DPYSL5: variants seen among roughly 807,000 people sequenced by gnomAD.
DPYSL5 encodes dihydropyrimidinase like 5, also known as dihydropyrimidinase-related protein 5.
A neutral mutation model predicts 58.4 loss-of-function variants in DPYSL5; 9 were observed. The observed-to-expected ratio is 0.15, with a 90% CI of 0.09 to 0.27. The LOEUF (loss-of-function observed/expected upper bound fraction) is 0.27. Ranked by LOEUF, DPYSL5 falls within the 10% of genes least tolerant of loss-of-function variation. The pLI, the probability that DPYSL5 is intolerant of heterozygous loss-of-function variation, is 1.00. For synonymous variants in DPYSL5, 293 were observed against 301.9 expected (o/e 0.97, Z 0.31); for missense variants, 499 against 770.6 (o/e 0.65, Z 4.17).
chr2:26,931,195 GTGTGTGTGTATATATATATATATA>G (rs1286628063), intron 5 of DPYSL5, among the ~76,000 whole-genome samples: 4 of 53,962 alleles, frequency 7.4e-5, no homozygotes, highest in African/African-American at 2.5e-4. Context: ...GTGTGTGTGT[GTGTGTGTGTATATATATATATATA>G]TATATATATA....
chr2:26,926,192 C>T (rs150051806), intron 3 of DPYSL5, among the ~76,000 whole-genome samples: 52 of 152,336 alleles, frequency 3.4e-4, no homozygotes, highest in Non-Finnish European at 5.3e-4. Flanking sequence ...GGGGCTCACC[C>T]GGTTTCTTCA....
At chr2:26,928,721 A>ACACACACACACACACACACACACACC (rs1664893498) in intron 5 of DPYSL5, among the ~76,000 whole-genome samples, 1 of 85,792 alleles carries the variant, frequency 1.2e-5, no homozygotes, top group Non-Finnish European at 2.5e-5. Context: ...ACACACATAC[A>ACACACACACACACACACACACACACC]TATATATACG....
rs984036181 is a variant in DPYSL5 at position 26,863,325 on chromosome 2, C to A, written c.-5+15071C>A. On this transcript the variant is annotated intron_variant, in intron 1 of 12. Coordinates refer to ENST00000288699, the MANE Select transcript of DPYSL5 (RefSeq NM_020134.4). ...AGCTGGCTCAGTTTCAGCTGCTGACCAGGAGTGTGGGACAGTCTTGACCTG... is the reference window on the plus strand; with the variant it reads ...AGCTGGCTCAGTTTCAGCTGCTGACAAGGAGTGTGGGACAGTCTTGACCTG... Among the ~76,000 whole-genome samples, 5 of 152,186 alleles carry A rather than the reference C, an allele frequency of 3.3e-5. No homozygotes were observed. The South Asian group carries it at 1.0e-3, about 32-fold the overall frequency.
chr2:26,898,484 A>T lies in DPYSL5; in HGVS notation c.-4-12A>T, dbSNP rs565169559. ...AGGGACTTTGACCTTGACCATGCTCACCTTCTTGTAGGAACATGCTTGCCA... is the reference window on the plus strand; with the variant it reads ...AGGGACTTTGACCTTGACCATGCTCTCCTTCTTGTAGGAACATGCTTGCCA... On this transcript the variant is annotated splice_polypyrimidine_tract_variant and intron_variant, in intron 1 of 12. Transcript: ENST00000288699. The surrounding 1 kb of genome is among the most constrained non-coding windows in gnomAD (Gnocchi z 6.1). The T allele has an allele frequency of 7.4e-6, 12 of 1,611,914 alleles. No homozygotes were observed. The highest frequency in any genetic ancestry group is 8.5e-6 in the Non-Finnish European group (10 of 1,178,300).
In DPYSL5 at chr2:26,944,504, T is replaced by G; in HGVS notation, c.1441-152T>G. 1.2e-6 allele frequency: 1 copy of G among 821,642 alleles called. No homozygotes were observed. Among genetic ancestry groups the G allele is most frequent in the Non-Finnish European group, 1.9e-6 (1 of 526,572 alleles). 50.9% of individuals were successfully genotyped at this position (821,642 alleles called of 1,614,324 possible). ...AGAAAACTCCAGCCCCTGGACTCAA[T>G]GTTTAAGAAGCCTTGGTCACTTGCA... On this transcript the variant is annotated intron_variant, in intron 11 of 12. Coordinates refer to ENST00000288699, the MANE Select transcript of DPYSL5 (RefSeq NM_020134.4). This position sits in a 1 kb window ranked among gnomAD's most constrained non-coding sequence, Gnocchi z 4.4.
At chr2:26,867,449 T>G (rs979121017) in intron 1 of DPYSL5, among the ~76,000 whole-genome samples, 87 of 147,590 alleles carry the variant, frequency 5.9e-4, no homozygotes, top group African/African-American at 2.0e-3. Context: ...GTTTGTTTTT[T>G]TTTTTGTTTG....
At chr2:26,932,208 A>AAAGAAAGAAAAGAAAG (rs1178078504) in intron 6 of DPYSL5, among the ~76,000 whole-genome samples, 3 of 70,170 alleles carry the variant, frequency 4.3e-5, no homozygotes, top group African/African-American at 1.7e-4. Context: ...AGAAAGAAAG[A>AAAGAAAGAAAAGAAAG]AAAGAAAGAA....
chr2:26,907,831 A>G (rs758014901), intron 2 of DPYSL5, among the ~76,000 whole-genome samples: 14 of 152,234 alleles, frequency 9.2e-5, no homozygotes, highest in Admixed American at 5.9e-4. Context: ...TTTGTTTCTC[A>G]ACAAGATTGA....
intron 1 of DPYSL5, among the ~76,000 whole-genome samples, chr2:26,865,659 A>T (rs954944593): frequency 6.6e-6 from 1 of 152,162 alleles, no homozygotes; most frequent in African/African-American, 2.4e-5. Flanking sequence ...ATCAGAGCCC[A>T]CTTTATTGTA....
At chr2:26,902,224 C>T (rs1664177193) in intron 2 of DPYSL5, among the ~76,000 whole-genome samples, 1 of 151,866 alleles carries the variant, frequency 6.6e-6, no homozygotes, top group Non-Finnish European at 1.5e-5. Flanking sequence ...TTCAGAAGGA[C>T]CAGAATTTTA....
At chr2:26,931,742 T>G in intron 6 of DPYSL5, 58 bp downstream of exon 6, 1 of 1,586,146 alleles carries the variant, frequency 6.3e-7, no homozygotes, top group Non-Finnish European at 8.6e-7. Context: ...GGCACGGTGC[T>G]GATGTCTGTA....
rs1663877141 is a variant in DPYSL5 at position 26,891,462 on chromosome 2, C to T, written c.-4-7034C>T. 2.0e-5 allele frequency among the ~76,000 whole-genome samples: 3 copies of T among 152,122 alleles called. No homozygotes were observed. In the South Asian group the frequency reaches 6.2e-4, roughly 32 times the overall value. On this transcript the variant is annotated intron_variant, in intron 1 of 12. Coordinates refer to ENST00000288699, the MANE Select transcript of DPYSL5 (RefSeq NM_020134.4). ...CCAAGCCTCTTCAGAGCCTCGTTAG[C>T]CTCCGGAGACTTCCAACTAGGAAGT...
At chr2:26,940,294 T>C (rs1572720938) in intron 9 of DPYSL5, 122 bp downstream of exon 9, 4 of 1,237,006 alleles carry the variant, frequency 3.2e-6, no homozygotes, top group East Asian at 5.2e-5. Flanking sequence ...TTAGAAGGGC[T>C]GGTTCAATCC....
chr2:26,859,848 T>C (rs1382331998), intron 1 of DPYSL5, among the ~76,000 whole-genome samples: 2 of 152,210 alleles, frequency 1.3e-5, no homozygotes, highest in Non-Finnish European at 2.9e-5. Context: ...AGGTTTACTG[T>C]CTGATAACTG....
intron 1 of DPYSL5, among the ~76,000 whole-genome samples, chr2:26,855,571 G>T (rs1453493205): frequency 6.6e-6 from 1 of 152,124 alleles, no homozygotes; most frequent in African/African-American, 2.4e-5. Context: ...CATTGGTTTG[G>T]CAAAGGGGTT....
At position 26,944,864 on chromosome 2, in the gene DPYSL5, G is replaced by A; in HGVS notation, c.1609+40G>A. On this transcript the variant is annotated intron_variant, in intron 12 of 12. Coordinates refer to ENST00000288699, the MANE Select transcript of DPYSL5 (RefSeq NM_020134.4). This position sits in a 1 kb window ranked among gnomAD's most constrained non-coding sequence, Gnocchi z 4.4. ...GCCACGGGAGGAGGATGGGGGTCTG[G>A]GAGAAGTGGCCCACCTAGGCAGTGG... is the stretch of plus-strand genomic sequence containing the variant. The A allele has an allele frequency of 1.2e-6, 2 of 1,601,248 alleles. No homozygotes were observed. The highest frequency in any genetic ancestry group is 1.1e-5 in the South Asian group (1 of 90,166).
At chr2:26,940,872 C>G (rs1474024881) in intron 9 of DPYSL5, among the ~76,000 whole-genome samples, 1 of 151,354 alleles carries the variant, frequency 6.6e-6, no homozygotes, top group African/African-American at 2.4e-5. Context: ...ACAAATAATG[C>G]TGAGGAGAAC....
intron 2 of DPYSL5, among the ~76,000 whole-genome samples, chr2:26,913,289 G>A (rs1401769499): frequency 6.6e-6 from 1 of 152,114 alleles, no homozygotes; most frequent in Non-Finnish European, 1.5e-5. Flanking sequence ...CCTAGTCCCT[G>A]GCAATCACCA....
chr2:26,926,900 C>T lies in DPYSL5; in HGVS notation c.421-353C>T, dbSNP rs533492111. ...AGTATGCCTTCTTTGTAATGCCAGG[C>T]AACAGCCCACAGAAATTAAAATCAT... On this transcript the variant is annotated intron_variant, in intron 3 of 12. Coordinates refer to ENST00000288699, the MANE Select transcript of DPYSL5 (RefSeq NM_020134.4). Among the ~76,000 whole-genome samples the T allele has an allele frequency of 2.0e-5, 3 of 152,280 alleles. No homozygotes were observed. The South Asian group carries it at 6.2e-4, about 32-fold the overall frequency.
Sources: gnomAD v4.1 joint callset for allele counts (sites outside exome capture counted in the v4.1 genomes callset) on GRCh38, gnomAD v4.1.1 for gene constraint, Gnocchi (gnomAD v3.1) non-coding constraint, MANE v1.5 for transcripts, NCBI Gene and HGNC (gene_info 2026-07-23, HGNC 2026-07-21) for gene names.